The following SPATA31G1 variants were observed in gnomAD, a reference collection of about 807,000 sequenced individuals.
SPATA31G1 encodes the protein spermatogenesis-associated protein 31G1.
the SPATA31G1 span, chr9:35,043,481 A>C: frequency 3.8e-3 from 6,065 of 1,612,626 alleles, 26 homozygotes; most frequent in South Asian, 6.3e-3. Context: ...TCTCATCACT[A>C]CTCCTCCATC....
At chr9:35,042,487 T>C in the SPATA31G1 span, 1 of 1,614,062 alleles carries the variant, frequency 6.2e-7, no homozygotes, top group South Asian at 1.1e-5. Flanking sequence ...CAAGGCAAGG[T>C]GGGTGACCTG....
At chr9:35,043,818 G>C in the SPATA31G1 span, 3 of 1,614,120 alleles carry the variant, frequency 1.9e-6, no homozygotes, top group East Asian at 4.5e-5. Flanking sequence ...CTCCCTGCCA[G>C]AACTCCAGAG....
chr9:35,045,102 C>T, the SPATA31G1 span: 2 of 1,614,192 alleles, frequency 1.2e-6, no homozygotes, highest in South Asian at 2.2e-5. Context: ...CTTCTGGGGA[C>T]TCCCTTCCTG....
chr9:35,044,118 T>C, the SPATA31G1 span: 6 of 1,614,026 alleles, frequency 3.7e-6, no homozygotes, highest in Non-Finnish European at 4.2e-6. Flanking sequence ...ATCCAAAGCT[T>C]TGTGGGAGAC....
the SPATA31G1 span, chr9:35,045,089 A>G: frequency 6.2e-7 from 1 of 1,614,138 alleles, no homozygotes; most frequent in Non-Finnish European, 8.5e-7. Context: ...CCACAATTCC[A>G]GACTTCTGGG....
the SPATA31G1 span, chr9:35,041,553 C>T: frequency 6.5e-6 from 1 of 154,746 alleles, no homozygotes; most frequent in Admixed American, 6.4e-5. Context: ...CCAGCCGGGG[C>T]AATACAATGA....
At chr9:35,041,290 G>A in the SPATA31G1 span, 195 of 210,396 alleles carry the variant, frequency 9.3e-4, no homozygotes, top group African/African-American at 4.0e-3. Flanking sequence ...GATTTATTAC[G>A]GCTAGCAGAT....
chr9:35,042,876 C>A, the SPATA31G1 span: 1 of 1,613,982 alleles, frequency 6.2e-7, no homozygotes, highest in Non-Finnish European at 8.5e-7. Flanking sequence ...ACCACTTCTG[C>A]ACCGTGTGGC....
the SPATA31G1 span, chr9:35,042,922 TG>T: frequency 6.2e-7 from 1 of 1,613,938 alleles, no homozygotes; most frequent in Non-Finnish European, 8.5e-7. Context: ...AAATCAGAAG[TG>T]GAGGAAGAAG....
the SPATA31G1 span, chr9:35,043,150 C>A: frequency 2.5e-6 from 4 of 1,614,222 alleles, no homozygotes. Context: ...CAGATTCTGA[C>A]CAGCTTTCCT....
At chr9:35,042,389 A>G in the SPATA31G1 span, 71 of 1,614,070 alleles carry the variant, frequency 4.4e-5, no homozygotes, top group Non-Finnish European at 5.8e-5. Flanking sequence ...TGGTGACACT[A>G]TTCTTATTCG....
chr9:35,045,556 A>C, the SPATA31G1 span: 2 of 1,614,234 alleles, frequency 1.2e-6, no homozygotes, highest in Non-Finnish European at 1.7e-6. Flanking sequence ...CACCCTGCCC[A>C]GGCCAGAAGC....
At chr9:35,045,048 C>T in the SPATA31G1 span, 1 of 1,614,060 alleles carries the variant, frequency 6.2e-7, no homozygotes, top group African/African-American at 1.3e-5. Flanking sequence ...TGGCCCAAGT[C>T]AATCATTTTG....
At chr9:35,045,878 C>T in the SPATA31G1 span, 1 of 1,582,824 alleles carries the variant, frequency 6.3e-7, no homozygotes, top group Non-Finnish European at 8.6e-7. Flanking sequence ...AGAGAAAAGG[C>T]TGGTAATACT....
the SPATA31G1 span, chr9:35,043,629 C>A: frequency 1.9e-6 from 3 of 1,614,202 alleles, no homozygotes; most frequent in Non-Finnish European, 2.5e-6. Flanking sequence ...AAAGATGCCC[C>A]AAGCTTTTGA....
chr9:35,045,649 T>G, the SPATA31G1 span: 1 of 1,614,200 alleles, frequency 6.2e-7, no homozygotes. Context: ...CTTCCCCAGC[T>G]GCTTCTCCCC....
chr9:35,044,208 C>T, the SPATA31G1 span: 1 of 1,614,136 alleles, frequency 6.2e-7, no homozygotes, highest in Non-Finnish European at 8.5e-7. Context: ...CCTTATGGAA[C>T]CACACAGAAT....
chr9:35,044,228 G>T, the SPATA31G1 span: 1 of 1,614,118 alleles, frequency 6.2e-7, no homozygotes, highest in Non-Finnish European at 8.5e-7. Flanking sequence ...TCAATCCTGG[G>T]GAATGCCTCG....
At chr9:35,041,927 A>C in the SPATA31G1 span, 1 of 223,782 alleles carries the variant, frequency 4.5e-6, no homozygotes, top group Non-Finnish European at 8.9e-6. Context: ...TTTATTTTAT[A>C]GATAAGAAAA....
Sources: gnomAD v4.1 joint callset for allele counts on GRCh38, gnomAD v4.1.1 for gene constraint, MANE v1.5 for transcripts, NCBI Gene and HGNC (gene_info 2026-07-23, HGNC 2026-07-21) for gene names.